ARHGAP10: variants seen among roughly 807,000 people sequenced by gnomAD.
ARHGAP10 encodes rho GTPase-activating protein 10.
In ARHGAP10, 87 loss-of-function variants were observed where a neutral mutation model predicts 108.6. The observed-to-expected ratio is 0.80, with a 90% CI of 0.67 to 0.96. The LOEUF (loss-of-function observed/expected upper bound fraction) is 0.96. Ranked by LOEUF, ARHGAP10 falls within the 40% of genes least tolerant of loss-of-function variation. The pLI is 0.00. For synonymous variants in ARHGAP10, 347 were observed against 341.1 expected, an observed-to-expected ratio of 1.02 and a Z score of -0.19; for missense variants, 939 against 954.5, an observed-to-expected ratio of 0.98 and a Z score of 0.21.
At chr4:147,762,766 G>A (rs1157948362) in intron 1 of ARHGAP10, among the ~76,000 whole-genome samples, 1 of 151,890 alleles carries the variant, frequency 6.6e-6, no homozygotes, top group African/African-American at 2.4e-5. Context: ...TCCTGACCTT[G>A]TGATCCACCT....
chr4:147,942,226 C>G (rs1738188078), intron 14 of ARHGAP10, among the ~76,000 whole-genome samples: 2 of 152,078 alleles, frequency 1.3e-5, no homozygotes, highest in African/African-American at 4.8e-5. Flanking sequence ...GTTTGTAATG[C>G]ATTGTCTTTG....
At chr4:147,824,732 A>G (rs1215138346) in intron 3 of ARHGAP10, among the ~76,000 whole-genome samples, 2 of 152,132 alleles carry the variant, frequency 1.3e-5, no homozygotes, top group Non-Finnish European at 2.9e-5. Context: ...TGAGAACAGC[A>G]TGGGGGAAGC....
chr4:147,968,707 T>C (rs1004623069), intron 18 of ARHGAP10, among the ~76,000 whole-genome samples: 1 of 152,246 alleles, frequency 6.6e-6, no homozygotes, highest in African/African-American at 2.4e-5. Context: ...ATGAGCACTT[T>C]GCTAATAACA....
At chr4:147,784,657 TAA>T (rs1479477865) in intron 1 of ARHGAP10, among the ~76,000 whole-genome samples, 1 of 9,306 alleles carries the variant, frequency 1.1e-4, no homozygotes, top group Non-Finnish European at 4.3e-4. Flanking sequence ...ATATATATTA[TAA>T]AATATATATT....
chr4:147,786,198 T>C (rs7680867), intron 1 of ARHGAP10, among the ~76,000 whole-genome samples: 144,316 of 152,238 alleles, frequency 0.95, 68,594 homozygotes, highest in East Asian at 0.98. Context: ...TATTAGCTGG[T>C]AGCTGGAGAG....
Position 147,747,637 on chromosome 4 carries a change from T to C in ARHGAP10, c.154+15182T>C, listed in dbSNP as rs192337881. Reference sequence around the variant, plus strand: ...TTTGCATGTGTTTCTAGAGCTAGAGTTGGTGTCCTGTTTTTTTGTGGAAAG... The same window carrying C: ...TTTGCATGTGTTTCTAGAGCTAGAGCTGGTGTCCTGTTTTTTTGTGGAAAG... On this transcript the variant is annotated intron_variant, in intron 1 of 22. Coordinates refer to ENST00000336498, the MANE Select transcript of ARHGAP10 (RefSeq NM_024605.4). Among the ~76,000 whole-genome samples, 4 of 149,232 alleles carry C rather than the reference T, an allele frequency of 2.7e-5. No individual in the cohort carries two copies. In the East Asian group the frequency reaches 7.9e-4, roughly 29 times the overall value.
intron 1 of ARHGAP10, among the ~76,000 whole-genome samples, chr4:147,740,296 A>T (rs1309116490): frequency 1.3e-5 from 2 of 152,086 alleles, no homozygotes; most frequent in African/African-American, 2.4e-5. Context: ...GACCTCAGTG[A>T]ATTCAGAGAG....
At chr4:147,906,755 C>T (rs770312389) in intron 11 of ARHGAP10, 36 bp downstream of exon 11, 1 of 1,607,058 alleles carries the variant, frequency 6.2e-7, no homozygotes, top group South Asian at 1.1e-5. Flanking sequence ...TATTTCAAAG[C>T]CTTTAGAGTT....
At chr4:147,886,975 TTGAACTCC>T (rs1209888915) in intron 10 of ARHGAP10, among the ~76,000 whole-genome samples, 1 of 152,084 alleles carries the variant, frequency 6.6e-6, no homozygotes, top group Non-Finnish European at 1.5e-5. Context: ...CAGTTTCACC[TTGAACTCC>T]TGAACTCAAG....
At chr4:147,905,166 C>A (rs1015137191) in intron 10 of ARHGAP10, among the ~76,000 whole-genome samples, 1 of 152,118 alleles carries the variant, frequency 6.6e-6, no homozygotes, top group Admixed American at 6.5e-5. Context: ...CGAAAATTTT[C>A]TCCCATTTTG....
chr4:147,742,251 G>A (rs1216506516), intron 1 of ARHGAP10, among the ~76,000 whole-genome samples: 1 of 151,962 alleles, frequency 6.6e-6, no homozygotes, highest in Admixed American at 6.6e-5. Context: ...AGCCTTCAGT[G>A]CCTACATTTT....
chr4:147,977,826 T>C (rs1276828815), intron 18 of ARHGAP10, among the ~76,000 whole-genome samples: 1 of 152,106 alleles, frequency 6.6e-6, no homozygotes, highest in East Asian at 1.9e-4. Context: ...CCTCCCCTTT[T>C]GGAGTCTCCA....
chr4:147,873,731 C>T (rs897810231), intron 7 of ARHGAP10, among the ~76,000 whole-genome samples: 11 of 149,776 alleles, frequency 7.3e-5, no homozygotes, highest in Admixed American at 4.7e-4. Context: ...CACTCTTGGC[C>T]TGGTGTAGTG....
intron 10 of ARHGAP10, among the ~76,000 whole-genome samples, chr4:147,891,389 G>A (rs1735790041): frequency 6.6e-6 from 1 of 152,146 alleles, no homozygotes; most frequent in South Asian, 2.1e-4. Flanking sequence ...TATGAAATGT[G>A]CAGGACAGAC....
intron 13 of ARHGAP10, among the ~76,000 whole-genome samples, chr4:147,938,844 T>C (rs539376026): frequency 6.6e-6 from 1 of 152,304 alleles, no homozygotes; most frequent in East Asian, 1.9e-4. Flanking sequence ...CTGCAACTCA[T>C]TTGAGAAGTA....
rs144747245 is a variant in ARHGAP10 at position 147,970,336 on chromosome 4, C to T, written c.1716+3497C>T. Reference sequence around the variant, plus strand: ...AAGGATCTAGTCCCTCTTAGTGTTTCAGGACAAGATGAAAACGAGAGAGGG... The same window carrying T: ...AAGGATCTAGTCCCTCTTAGTGTTTTAGGACAAGATGAAAACGAGAGAGGG... On this transcript the variant is annotated intron_variant, in intron 18 of 22. Coordinates refer to ENST00000336498, the MANE Select transcript of ARHGAP10 (RefSeq NM_024605.4). Among the ~76,000 whole-genome samples the T allele has an allele frequency of 7.7e-4, 116 of 150,732 alleles. 1 individual carries two copies. The South Asian group carries it at 0.015, about 20-fold the overall frequency.
intron 18 of ARHGAP10, among the ~76,000 whole-genome samples, chr4:147,984,637 CT>C (rs1257640294): frequency 2.0e-5 from 3 of 152,200 alleles, no homozygotes; most frequent in East Asian, 3.9e-4. Flanking sequence ...GGCTCACTGC[CT>C]CCTGTAGGAC....
intron 10 of ARHGAP10, among the ~76,000 whole-genome samples, chr4:147,895,203 T>C (rs1735941399): frequency 1.3e-5 from 2 of 152,148 alleles, no homozygotes; most frequent in Admixed American, 6.5e-5. Flanking sequence ...ATTTTATGTT[T>C]CTGCATGATA....
At chr4:147,752,594 C>G (rs918404473) in intron 1 of ARHGAP10, among the ~76,000 whole-genome samples, 1 of 149,296 alleles carries the variant, frequency 6.7e-6, no homozygotes, top group African/African-American at 2.5e-5. Context: ...CTGGCGTGAT[C>G]TTGGCTCACT....
Sources: gnomAD v4.1 joint callset for allele counts (sites outside exome capture counted in the v4.1 genomes callset) on GRCh38, gnomAD v4.1.1 for gene constraint, MANE v1.5 for transcripts, NCBI Gene and HGNC (gene_info 2026-07-23, HGNC 2026-07-21) for gene names.